Variants in ADAMTS20 observed in about 807,000 individuals in gnomAD.
ADAMTS20 encodes the protein ADAM metallopeptidase with thrombospondin type 1 motif 20, also known as A disintegrin and metalloproteinase with thrombospondin motifs 20.
In ADAMTS20, 225 loss-of-function variants were observed where a neutral mutation model predicts 260.1. That is an observed-to-expected ratio of 0.87 (90% CI 0.78 to 0.97). ADAMTS20 has a LOEUF of 0.97. Ranked by LOEUF, ADAMTS20 falls within the 50% of genes least tolerant of loss-of-function variation. The probability of loss-of-function intolerance (pLI) is 0.00; values close to 1 mark genes in which losing one functional copy is unlikely to be tolerated. For synonymous variants in ADAMTS20, 802 were observed against 769.5 expected (o/e 1.04, Z -0.70); for missense variants, 2,400 against 2,337.7 (o/e 1.03, Z -0.55).
At chr12:43,504,307 G>A (rs1368212654) in intron 3 of ADAMTS20, among the ~76,000 whole-genome samples, 1 of 152,096 alleles carries the variant, frequency 6.6e-6, no homozygotes, top group East Asian at 1.9e-4. Flanking sequence ...TTTCTCTAAC[G>A]ATTAGTGATG....
At chr12:43,548,198 G>A (rs962052710) in intron 2 of ADAMTS20, among the ~76,000 whole-genome samples, 95 of 152,186 alleles carry the variant, frequency 6.2e-4, no homozygotes, top group African/African-American at 2.0e-3. Context: ...AGCAAAAAGC[G>A]ACTAGAAAAA....
intron 2 of ADAMTS20, among the ~76,000 whole-genome samples, chr12:43,539,477 T>C (rs1458756931): frequency 6.6e-6 from 1 of 152,212 alleles, no homozygotes; most frequent in Admixed American, 6.5e-5. Context: ...GGCAAAGCTA[T>C]AAATATAAGA....
At chr12:43,447,901 A>T (rs1286406180) in intron 14 of ADAMTS20, among the ~76,000 whole-genome samples, 2 of 152,132 alleles carry the variant, frequency 1.3e-5, no homozygotes, top group Non-Finnish European at 2.9e-5. Context: ...ATGGCCACCA[A>T]ACGAATAAGA....
intron 4 of ADAMTS20, among the ~76,000 whole-genome samples, chr12:43,495,711 C>T (rs1942668552): frequency 6.6e-6 from 1 of 152,058 alleles, no homozygotes; most frequent in Non-Finnish European, 1.5e-5. Flanking sequence ...TAATCTCTGC[C>T]CTTAACTCAC....
intron 11 of ADAMTS20, among the ~76,000 whole-genome samples, 193 bp from the exon 12 acceptor site, chr12:43,454,245 G>C (rs11182087): frequency 0.094 from 14,261 of 152,142 alleles, 803 homozygotes; most frequent in Middle Eastern, 0.11. Context: ...AATAGAAAAG[G>C]AGTGTAATAT....
chr12:43,455,841 T>C (rs561460549), intron 11 of ADAMTS20, among the ~76,000 whole-genome samples: 1 of 152,202 alleles, frequency 6.6e-6, no homozygotes, highest in Non-Finnish European at 1.5e-5. Flanking sequence ...CCTGAGTAGC[T>C]GGGACTACAG....
At chr12:43,383,361 C>T (rs1367735079) in intron 31 of ADAMTS20, among the ~76,000 whole-genome samples, 197 bp downstream of exon 31, 1 of 152,162 alleles carries the variant, frequency 6.6e-6, no homozygotes, top group Non-Finnish European at 1.5e-5. Context: ...TTGAGACTTG[C>T]ACTAGAGTTT....
At chr12:43,423,212 C>G (rs573642821) in intron 28 of ADAMTS20, 2 of 152,402 alleles carry the variant, frequency 1.3e-5, no homozygotes, top group South Asian at 4.1e-4. Context: ...TCTATTGCAA[C>G]TAATCAATGC....
intron 3 of ADAMTS20, among the ~76,000 whole-genome samples, chr12:43,517,358 G>C (rs1438557356): frequency 1.3e-5 from 2 of 151,950 alleles, no homozygotes; most frequent in African/African-American, 2.4e-5. Context: ...GCTGAATATA[G>C]GGCCAATATT....
At chr12:43,360,062 G>A (rs546410147) in intron 37 of ADAMTS20, among the ~76,000 whole-genome samples, 47 of 151,484 alleles carry the variant, frequency 3.1e-4, no homozygotes, top group African/African-American at 1.0e-3. Flanking sequence ...CTAAAATGCC[G>A]TATCCAACAG....
At chr12:43,393,710 T>C (rs11182051) in intron 29 of ADAMTS20, among the ~76,000 whole-genome samples, 34,160 of 151,918 alleles carry the variant, frequency 0.22, 4,603 homozygotes, top group African/African-American at 0.37. Context: ...GCAACTATGG[T>C]TTATTTCAAG....
intron 37 of ADAMTS20, among the ~76,000 whole-genome samples, chr12:43,360,048 C>T (rs369200304): frequency 2.6e-5 from 4 of 152,126 alleles, no homozygotes; most frequent in South Asian, 2.1e-4. Context: ...AGACAAGGTT[C>T]GGACTAAAAT....
chr12:43,499,629 C>T (rs546539022), intron 4 of ADAMTS20, among the ~76,000 whole-genome samples: 1 of 151,860 alleles, frequency 6.6e-6, no homozygotes, highest in Non-Finnish European at 1.5e-5. Flanking sequence ...CTCAGCCTCC[C>T]GAGTAGCTGG....
chr12:43,469,088 GA>G (rs936645844), intron 7 of ADAMTS20, among the ~76,000 whole-genome samples: 5 of 151,922 alleles, frequency 3.3e-5, no homozygotes, highest in African/African-American at 1.2e-4. Context: ...GCTAATAAGA[GA>G]AAAAAATGGC....
At chr12:43,377,312 C>T in intron 32 of ADAMTS20, 53 bp downstream of exon 32, 3 of 1,472,222 alleles carry the variant, frequency 2.0e-6, no homozygotes, top group Non-Finnish European at 2.7e-6. Flanking sequence ...CCAGATTTCC[C>T]ACACCTAGAA....
chr12:43,465,098 G>C (rs1320083364), intron 9 of ADAMTS20, among the ~76,000 whole-genome samples: 1 of 152,076 alleles, frequency 6.6e-6, no homozygotes, highest in Non-Finnish European at 1.5e-5. Context: ...CAAGTGTAAT[G>C]ACTAACTGTT....
intron 31 of ADAMTS20, among the ~76,000 whole-genome samples, chr12:43,378,170 A>G (rs1940271999): frequency 6.6e-6 from 1 of 152,256 alleles, no homozygotes; most frequent in African/African-American, 2.4e-5. Flanking sequence ...AATGGCTTTT[A>G]AGACACTCAA....
intron 37 of ADAMTS20, among the ~76,000 whole-genome samples, chr12:43,361,085 A>G (rs1217892521): frequency 6.6e-6 from 1 of 152,154 alleles, no homozygotes; most frequent in Non-Finnish European, 1.5e-5. Flanking sequence ...CCTTAACTTC[A>G]TCTCATATTG....
intron 28 of ADAMTS20, among the ~76,000 whole-genome samples, chr12:43,404,376 C>T (rs540223250): frequency 1.3e-5 from 2 of 152,230 alleles, no homozygotes; most frequent in East Asian, 1.9e-4. Flanking sequence ...AGATATTCTG[C>T]TGGCACCACA....
Sources: allele counts gnomAD v4.1 joint callset (sites outside exome capture counted in the v4.1 genomes callset), GRCh38; gene constraint gnomAD v4.1.1; transcripts MANE v1.5; gene names NCBI Gene and HGNC (gene_info 2026-07-23, HGNC 2026-07-21).